TLE2: variants seen among roughly 807,000 people sequenced by gnomAD.
The protein encoded by TLE2 is TLE family member 2, transcriptional corepressor, also known as transducin-like enhancer protein 2.
Under a neutral mutation model 97.2 loss-of-function variants are expected in TLE2, and 74 were observed. That is an observed-to-expected ratio of 0.76 (90% confidence interval 0.63 to 0.92). The LOEUF (loss-of-function observed/expected upper bound fraction) is 0.92, where lower values mean the gene tolerates loss of function less well. Ranked by LOEUF, TLE2 falls within the 40% of genes least tolerant of loss-of-function variation. The probability of loss-of-function intolerance (pLI) is 0.00; values close to 1 mark genes in which losing one functional copy is unlikely to be tolerated. For missense variants in TLE2, 1,038 were observed against 1,008.7 expected (o/e 1.03, Z -0.39); for synonymous variants, 499 against 432.1 (o/e 1.15, Z -1.92).
At chr19:3,042,164 G>A (rs1748610537) in intron 1 of TLE2, among the ~76,000 whole-genome samples, 2 of 148,234 alleles carry the variant, frequency 1.3e-5, no homozygotes, top group African/African-American at 2.5e-5. Flanking sequence ...AGAGGAGGGG[G>A]AGGAGGAGAG....
chr19:3,046,939 C>T (rs2090146643), upstream of TLE2, among the ~76,000 whole-genome samples: 1 of 126,902 alleles, frequency 7.9e-6, no homozygotes, highest in Non-Finnish European at 1.7e-5. Context: ...TCTGCCTCCC[C>T]CTCCTCCTCC....
chr19:3,019,151 G>T lies in TLE2; in HGVS notation c.550+132C>A. 1 of 1,306,854 alleles carries T rather than the reference G, an allele frequency of 7.7e-7. No individual in the cohort carries two copies. The highest frequency in any genetic ancestry group is 1.0e-6 in the Non-Finnish European group (1 of 963,264). The allele number at this position is 1,306,854 out of a possible 1,614,324, so 81.0% of individuals were successfully genotyped here. A position where few individuals can be genotyped will look rare whatever the true frequency, so the allele number is the denominator to read the frequency against. On this transcript the variant is annotated intron_variant, in intron 7 of 19. Transcript: ENST00000262953. The surrounding 1 kb of genome is among the most constrained non-coding windows in gnomAD (Gnocchi z 5.1). ...GGGCTCAAGCGATCCTCCCGCCTCG[G>T]CCTCCCAAATTGTTGGGATTATAGG...
chr19:3,017,177 G>A (rs1042584801), intron 8 of TLE2, among the ~76,000 whole-genome samples: 7 of 151,782 alleles, frequency 4.6e-5, no homozygotes, highest in African/African-American at 7.3e-5. Context: ...TCATACTGTC[G>A]CACAGGCTGG....
At chr19:3,000,616 G>T in intron 19 of TLE2, 31 bp downstream of exon 19, 2 of 1,558,100 alleles carry the variant, frequency 1.3e-6, no homozygotes, top group Non-Finnish European at 1.7e-6. Flanking sequence ...ACATGGCCCT[G>T]CCAGAGTGGG....
chr19:3,005,726 CAT>C lies in TLE2; in HGVS notation c.1741_1742del (p.Met581GlyfsTer15). The C allele has an allele frequency of 1.9e-6, 3 of 1,613,482 alleles. No homozygotes were observed. Among genetic ancestry groups the C allele is most frequent in the Non-Finnish European group, 2.5e-6 (3 of 1,179,540 alleles). On this transcript the variant is annotated frameshift_variant, in exon 16 of 20. Transcript: ENST00000262953. LOFTEE classifies it high-confidence loss of function. ...IVVWDLQNQT[M>X]VRQFQGHTDG... is the part of the protein sequence containing the mutation. The stretch of plus-strand genomic sequence containing the variant: ...CCAGCGCACCTGCCACCCACCTGAC[CAT>C]AGTCTGATTCTGCAGGTCCCAGACC...
At chr19:3,028,018 A>G in intron 3 of TLE2, 145 bp from the exon 4 acceptor site, 1 of 859,568 alleles carries the variant, frequency 1.2e-6, no homozygotes. Context: ...ACGGGGTCCC[A>G]GAGGAGGAAG....
chr19:3,043,683 G>T (rs1019143126), intron 1 of TLE2, among the ~76,000 whole-genome samples: 63 of 151,900 alleles, frequency 4.1e-4, no homozygotes, highest in African/African-American at 1.5e-3. Context: ...GGTGGCGGGC[G>T]CCTGTAGTCC....
At chr19:3,013,621 C>T (rs767026074) in intron 11 of TLE2, 48 bp downstream of exon 11, 1 of 1,332,526 alleles carries the variant, frequency 7.5e-7, no homozygotes, top group Non-Finnish European at 9.7e-7. Context: ...TGCTTCGGGG[C>T]CCCCGGGATG....
At chr19:3,035,885 G>GC (rs994638860) in intron 1 of TLE2, among the ~76,000 whole-genome samples, 2 of 117,508 alleles carry the variant, frequency 1.7e-5, no homozygotes, top group African/African-American at 3.1e-5. Context: ...GATTGGAGGA[G>GC]GGGGGGCTAA....
At chr19:3,010,177 A>G (rs576196424) in intron 12 of TLE2, among the ~76,000 whole-genome samples, 1 of 152,110 alleles carries the variant, frequency 6.6e-6, no homozygotes, top group South Asian at 2.1e-4. Context: ...CAGCCTGACC[A>G]ACATGGTGAA....
intron 12 of TLE2, among the ~76,000 whole-genome samples, chr19:3,010,701 G>A (rs1034220355): frequency 2.0e-5 from 3 of 152,136 alleles, no homozygotes. Context: ...TCACTTGCCC[G>A]AGGTCACCCA....
chr19:3,021,932 G>T (rs137951030), intron 5 of TLE2, among the ~76,000 whole-genome samples: 3 of 152,256 alleles, frequency 2.0e-5, no homozygotes, highest in Non-Finnish European at 4.4e-5. Context: ...CAGGTCGGGC[G>T]CAGTGGCTCA....
chr19:3,010,886 C>G (rs1444104018), intron 12 of TLE2, 136 bp downstream of exon 12: 1 of 1,257,696 alleles, frequency 8.0e-7, no homozygotes. Flanking sequence ...CAGCGTCTAA[C>G]TTGAAGTCAC....
At chr19:3,000,224 A>C (rs983453844) in intron 19 of TLE2, among the ~76,000 whole-genome samples, 11 of 149,816 alleles carry the variant, frequency 7.3e-5, no homozygotes, top group African/African-American at 2.5e-4. Flanking sequence ...GGCGCCCACC[A>C]CCACGCCTGG....
chr19:3,012,239 C>T (rs190161394), intron 11 of TLE2, among the ~76,000 whole-genome samples: 33 of 151,444 alleles, frequency 2.2e-4, no homozygotes, highest in South Asian at 1.7e-3. Flanking sequence ...GGTGACAGAG[C>T]GAGACTCCAT....
upstream of TLE2, among the ~76,000 whole-genome samples, chr19:3,029,399 G>A (rs2090001915): frequency 7.5e-6 from 1 of 132,548 alleles, no homozygotes; most frequent in African/African-American, 2.7e-5. Context: ...CCCGGCCCCC[G>A]GGCACCCGCC....
chr19:3,030,600 A>C (rs574008145), upstream of TLE2, among the ~76,000 whole-genome samples: 10 of 152,170 alleles, frequency 6.6e-5, no homozygotes, highest in South Asian at 2.1e-3. Flanking sequence ...ACAAAAACCC[A>C]TTTTGTACCC....
chr19:3,009,734 C>T lies in TLE2; in HGVS notation c.1013-32G>A, dbSNP rs147720997. The T allele has an allele frequency of 1.6e-3, 2,457 of 1,579,054 alleles. 21 individuals are homozygous for T. In the African/African-American group the frequency reaches 0.024, roughly 16 times the overall value. On this transcript the variant is annotated intron_variant, in intron 12 of 19. Coordinates refer to ENST00000262953, the MANE Select transcript of TLE2 (RefSeq NM_003260.5). ...CGGAAGAGTCGGGGACAGGTTTTGACGCCCTGGACCCAGATCCCGCCTCCC... is the reference window on the plus strand; with the variant it reads ...CGGAAGAGTCGGGGACAGGTTTTGATGCCCTGGACCCAGATCCCGCCTCCC...
At chr19:3,022,351 C>G (rs886482773) in intron 5 of TLE2, among the ~76,000 whole-genome samples, 1 of 151,642 alleles carries the variant, frequency 6.6e-6, no homozygotes, top group Non-Finnish European at 1.5e-5. Flanking sequence ...GTGAAACCAC[C>G]CCCCCACCCC....
Sources: allele counts gnomAD v4.1 joint callset (sites outside exome capture counted in the v4.1 genomes callset), GRCh38; gene constraint gnomAD v4.1.1; non-coding constraint Gnocchi (gnomAD v3.1); transcripts MANE v1.5; gene names NCBI Gene and HGNC (gene_info 2026-07-23, HGNC 2026-07-21).